Variants in CDKAL1 observed in about 807,000 individuals in gnomAD.
The protein encoded by CDKAL1 is CDKAL1 threonylcarbamoyladenosine tRNA methylthiotransferase.
A neutral mutation model predicts 68.2 loss-of-function variants in CDKAL1; 32 were observed. That is an observed-to-expected ratio of 0.47 (90% CI 0.35 to 0.63). The LOEUF (loss-of-function observed/expected upper bound fraction) is 0.63, where lower values mean the gene tolerates loss of function less well. CDKAL1 is among the 30% of genes least tolerant of loss of function. The pLI is 0.00. For missense variants in CDKAL1, 606 were observed against 696.7 expected (o/e 0.87, Z 1.47); for synonymous variants, 234 against 244.3 (o/e 0.96, Z 0.39).
chr6:20,626,222 C>T (rs113649846), intron 4 of CDKAL1, among the ~76,000 whole-genome samples: 6 of 152,116 alleles, frequency 3.9e-5, no homozygotes, highest in Non-Finnish European at 8.8e-5. Context: ...AACTTACCTT[C>T]ATTGCCTCAT....
intron 9 of CDKAL1, among the ~76,000 whole-genome samples, chr6:20,894,594 G>A (rs1761580682): frequency 2.6e-5 from 4 of 152,170 alleles, no homozygotes; most frequent in Admixed American, 2.6e-4. Context: ...TGGGAAGTTT[G>A]AAGAAGGTCT....
At chr6:21,002,009 TA>T (rs1345756619) in intron 11 of CDKAL1, among the ~76,000 whole-genome samples, 1 of 152,216 alleles carries the variant, frequency 6.6e-6, no homozygotes, top group Non-Finnish European at 1.5e-5. Flanking sequence ...CTTTTATCTT[TA>T]TTTGGTTGAG....
intron 11 of CDKAL1, among the ~76,000 whole-genome samples, chr6:21,053,982 G>C (rs150028421): frequency 1.3e-5 from 2 of 151,492 alleles, no homozygotes; most frequent in Non-Finnish European, 2.9e-5. Flanking sequence ...TTACTTTTAC[G>C]GATTGTGCTT....
At chr6:21,205,707 A>AT (rs1256812081) in intron 15 of CDKAL1, among the ~76,000 whole-genome samples, 5 of 137,828 alleles carry the variant, frequency 3.6e-5, no homozygotes, top group East Asian at 2.3e-4. Context: ...ATTGTTTTGT[A>AT]TTTTTAGTAG....
At chr6:20,938,724 G>C (rs556799303) in intron 9 of CDKAL1, among the ~76,000 whole-genome samples, 1 of 152,172 alleles carries the variant, frequency 6.6e-6, no homozygotes, top group Admixed American at 6.5e-5. Flanking sequence ...TAGTGCGTAA[G>C]TAGGAAACAT....
At chr6:20,710,534 C>T (rs552155621) in intron 5 of CDKAL1, among the ~76,000 whole-genome samples, 12 of 152,188 alleles carry the variant, frequency 7.9e-5, no homozygotes, top group African/African-American at 2.2e-4. Context: ...AAAATGTATC[C>T]GCATCATTAA....
intron 5 of CDKAL1, among the ~76,000 whole-genome samples, chr6:20,686,495 G>GTTGGGA (rs1770631063): frequency 6.6e-6 from 1 of 152,100 alleles, no homozygotes; most frequent in East Asian, 1.9e-4. Flanking sequence ...CCCCCAGATG[G>GTTGGGA]GACCTTGTAG....
chr6:20,972,406 A>G (rs535315161), intron 10 of CDKAL1, among the ~76,000 whole-genome samples: 2 of 152,300 alleles, frequency 1.3e-5, no homozygotes, highest in African/African-American at 4.8e-5. Context: ...AAGTTTCTCA[A>G]GGCACCAGCT....
At position 21,148,051 on chromosome 6, in the gene CDKAL1, G is replaced by A. The variant is rs143092667; in HGVS notation, c.1299+39588G>A. 6.6e-5 allele frequency among the ~76,000 whole-genome samples: 10 copies of A among 152,306 alleles called. No homozygotes were observed. In the East Asian group the frequency reaches 1.3e-3, roughly 21 times the overall value. On this transcript the variant is annotated intron_variant, in intron 13 of 15. Transcript: ENST00000274695. ...TTCCTTCCTCATAGATGTCTGGTCA[G>A]CCATATCTGAGATGAACTTGGCTTA...
chr6:21,091,428 A>G (rs552074557), intron 12 of CDKAL1, among the ~76,000 whole-genome samples: 1 of 152,328 alleles, frequency 6.6e-6, no homozygotes, highest in Admixed American at 6.5e-5. Flanking sequence ...CACTTTTGAA[A>G]GGGAGAATGA....
chr6:20,679,864 G>A (rs991553595), intron 5 of CDKAL1, among the ~76,000 whole-genome samples: 1 of 152,078 alleles, frequency 6.6e-6, no homozygotes, highest in African/African-American at 2.4e-5. Flanking sequence ...GGAGTTGACT[G>A]TTCCAAGTAA....
chr6:21,088,728 G>A (rs766026446), intron 12 of CDKAL1, among the ~76,000 whole-genome samples: 5 of 152,128 alleles, frequency 3.3e-5, no homozygotes, highest in Non-Finnish European at 5.9e-5. Context: ...GATCATTTGA[G>A]GTCAGGAGTT....
intron 9 of CDKAL1, among the ~76,000 whole-genome samples, chr6:20,940,485 G>A (rs1354120551): frequency 2.0e-5 from 3 of 152,070 alleles, no homozygotes; most frequent in African/African-American, 7.2e-5. Flanking sequence ...AAAGATACAG[G>A]TTAAGTATAT....
At chr6:21,192,031 T>TTTTTTTTTC (rs1562104946) in intron 13 of CDKAL1, among the ~76,000 whole-genome samples, 27 of 116,102 alleles carry the variant, frequency 2.3e-4, no homozygotes, top group African/African-American at 9.1e-4. Context: ...TTTTTTTTTT[T>TTTTTTTTTC]TGAGACGGAG....
At position 20,652,137 on chromosome 6, in the gene CDKAL1, G is replaced by T. The variant is rs1340855512; in HGVS notation, c.371+2760G>T. Among the ~76,000 whole-genome samples the T allele has an allele frequency of 2.6e-5, 4 of 151,966 alleles. No individual in the cohort carries two copies. The East Asian group carries it at 7.7e-4, about 29-fold the overall frequency. On this transcript the variant is annotated intron_variant, in intron 5 of 15. Coordinates refer to ENST00000274695, the MANE Select transcript of CDKAL1 (RefSeq NM_017774.3). ...TTTCAGGAGGATGGCTTTTTGAAGG[G>T]TTTTTTGTGTGTCTATCTCCTTAAG...
At chr6:21,052,988 T>C (rs756222453) in intron 11 of CDKAL1, among the ~76,000 whole-genome samples, 1 of 152,180 alleles carries the variant, frequency 6.6e-6, no homozygotes, top group Non-Finnish European at 1.5e-5. Flanking sequence ...GTCTGTAGGA[T>C]AATTTAGAGA....
At chr6:20,853,665 G>A (rs1357689987) in intron 9 of CDKAL1, among the ~76,000 whole-genome samples, 1 of 152,202 alleles carries the variant, frequency 6.6e-6, no homozygotes, top group African/African-American at 2.4e-5. Flanking sequence ...AAATGTGTCT[G>A]CGTCATAACC....
chr6:20,599,832 A>C (rs901170462), intron 4 of CDKAL1, among the ~76,000 whole-genome samples: 1 of 152,188 alleles, frequency 6.6e-6, no homozygotes, highest in African/African-American at 2.4e-5. Flanking sequence ...CTTGGGTAGC[A>C]TGTGTGACTG....
intron 10 of CDKAL1, among the ~76,000 whole-genome samples, chr6:20,955,981 C>T (rs1764756548): frequency 6.6e-6 from 1 of 152,164 alleles, no homozygotes. Context: ...CTACTGTTAG[C>T]CATATCAGAA....
Sources: allele counts gnomAD v4.1 joint callset (sites outside exome capture counted in the v4.1 genomes callset), GRCh38; gene constraint gnomAD v4.1.1; transcripts MANE v1.5; gene names NCBI Gene and HGNC (gene_info 2026-07-23, HGNC 2026-07-21).